IFT81: variants seen among roughly 807,000 people sequenced by gnomAD.
The protein encoded by IFT81 is intraflagellar transport protein 81 homolog.
A neutral mutation model predicts 102.6 loss-of-function variants in IFT81; 72 were observed. That is an observed-to-expected ratio of 0.70 (90% confidence interval 0.58 to 0.85). The LOEUF (loss-of-function observed/expected upper bound fraction) is 0.85. Among genes scored for constraint, IFT81 ranks in the 40% least tolerant of loss-of-function variants. The pLI is 0.00. For synonymous variants in IFT81, 237 were observed against 242.7 expected (o/e 0.98, Z 0.22); for missense variants, 723 against 787.3 (o/e 0.92, Z 0.98).
intron 4 of IFT81, among the ~76,000 whole-genome samples, chr12:110,131,616 A>C (rs562517654): frequency 4.0e-4 from 61 of 152,214 alleles, no homozygotes; most frequent in African/African-American, 1.5e-3. Flanking sequence ...CCAAAGTGCT[A>C]GGATTACAGG....
intron 10 of IFT81, among the ~76,000 whole-genome samples, chr12:110,157,398 A>G (rs1231198632): frequency 6.6e-6 from 1 of 152,134 alleles, no homozygotes; most frequent in Admixed American, 6.6e-5. Context: ...AAAAGGCCTT[A>G]GAAAAGAAAG....
chr12:110,202,303 A>G (rs1289379976), intron 14 of IFT81, among the ~76,000 whole-genome samples: 4 of 152,204 alleles, frequency 2.6e-5, no homozygotes, highest in African/African-American at 9.6e-5. Flanking sequence ...TAGCATTTCT[A>G]GGTGTTTGTA....
At position 110,218,113 on chromosome 12, in the gene IFT81, C is replaced by T; in HGVS notation, c.1918C>T (p.Arg640Cys). The change falls in exon 19 of 19, where the codon CGT becomes TGT. Residue 640 changes from arginine to cysteine, a missense_variant. By Grantham distance (180) the Arg-to-Cys change is radical. Transcript: ENST00000242591. ...AAATATGAAACAAGCAAAAATGTGG[C>T]GTGATTTGGAACAATTAATGGAATG... ...GPNMKQAKMW[R>C]DLEQLMECKK... 4.4e-6 allele frequency: 7 copies of T among 1,599,222 alleles called. No individual in the cohort carries two copies. The highest frequency in any genetic ancestry group is 4.5e-5 in the East Asian group (2 of 44,172).
chr12:110,199,827 G>A (rs755679250), intron 14 of IFT81, among the ~76,000 whole-genome samples: 4 of 152,152 alleles, frequency 2.6e-5, no homozygotes, highest in Admixed American at 6.5e-5. Flanking sequence ...TAAGGAAACC[G>A]TGCAGCAGGA....
At chr12:110,141,721 A>C (rs1212931836) in intron 8 of IFT81, among the ~76,000 whole-genome samples, 4 of 152,070 alleles carry the variant, frequency 2.6e-5, no homozygotes, top group Non-Finnish European at 5.9e-5. Flanking sequence ...GTCTCTACTA[A>C]AAATACAAAA....
chr12:110,158,880 G>A (rs1895989405), intron 10 of IFT81, among the ~76,000 whole-genome samples: 1 of 151,748 alleles, frequency 6.6e-6, no homozygotes. Flanking sequence ...GAGCCACCGC[G>A]CCCGGCCAAT....
chr12:110,201,162 G>A (rs1898245777), intron 14 of IFT81, among the ~76,000 whole-genome samples: 2 of 151,810 alleles, frequency 1.3e-5, no homozygotes, highest in Non-Finnish European at 2.9e-5. Context: ...CAGCACTTTG[G>A]GAGGCCAAGG....
chr12:110,186,501 TTTTA>T (rs1897536805), intron 12 of IFT81, among the ~76,000 whole-genome samples: 3 of 152,068 alleles, frequency 2.0e-5, no homozygotes, highest in Non-Finnish European at 4.4e-5. Context: ...TTCTTTCTTT[TTTTA>T]TTTGTTTGTT....
At chr12:110,136,700 A>AT in intron 7 of IFT81, 76 bp from the exon 8 acceptor site, 1 of 751,602 alleles carries the variant, frequency 1.3e-6, no homozygotes, top group African/African-American at 1.8e-5. Context: ...TGGAACTTGT[A>AT]TTTTTCATTG....
chr12:110,139,777 A>C (rs1387871782), intron 8 of IFT81, among the ~76,000 whole-genome samples: 1 of 150,490 alleles, frequency 6.6e-6, no homozygotes, highest in Non-Finnish European at 1.5e-5. Flanking sequence ...CCATCTCAAA[A>C]TAAACACATA....
Position 110,154,372 on chromosome 12 carries a change from T to C in IFT81, c.1041+7324T>C, listed in dbSNP as rs1593307871. The stretch of plus-strand genomic sequence containing the variant: ...TTGGCCGGGTGCGGTGACTCACGCC[T>C]GTAGTCCCAGCACTTTGGGAGGCTG... On this transcript the variant is annotated intron_variant, in intron 10 of 18. Transcript: ENST00000242591. Among the ~76,000 whole-genome samples the C allele has an allele frequency of 2.0e-5, 3 of 149,512 alleles. No homozygotes were observed. The East Asian group carries it at 5.9e-4, about 29-fold the overall frequency.
At chr12:110,182,173 G>A (rs1327112218) in intron 12 of IFT81, among the ~76,000 whole-genome samples, 1 of 152,106 alleles carries the variant, frequency 6.6e-6, no homozygotes, top group Non-Finnish European at 1.5e-5. Flanking sequence ...GTCTGAGTGG[G>A]GCACCAGCAA....
At chr12:110,177,545 A>G (rs1243676652) in intron 11 of IFT81, among the ~76,000 whole-genome samples, 1 of 152,114 alleles carries the variant, frequency 6.6e-6, no homozygotes, top group African/African-American at 2.4e-5. Flanking sequence ...CAGCCTCCCA[A>G]AGTGCTAGGA....
At position 110,167,936 on chromosome 12, in the gene IFT81, G is replaced by A. The variant is rs780665410; in HGVS notation, c.1188+4871G>A. The A allele has an allele frequency of 3.5e-5, 8 of 227,680 alleles. No homozygotes were observed. In the South Asian group the frequency reaches 3.8e-4, roughly 11 times the overall value. 14.1% of individuals were successfully genotyped at this position (227,680 alleles called of 1,614,324 possible). A position where few individuals can be genotyped will look rare whatever the true frequency, so the allele number is the denominator to read the frequency against. On this transcript the variant is annotated intron_variant, in intron 11 of 18. Transcript: ENST00000242591. ...GTGTGATCATGGCTTACTGCAGCCT[G>A]AAACTCCTAGGCTCAAGTGATCCTC...
chr12:110,212,446 G>A (rs1471308158), intron 18 of IFT81, among the ~76,000 whole-genome samples: 1 of 151,802 alleles, frequency 6.6e-6, no homozygotes, highest in Non-Finnish European at 1.5e-5. Context: ...TCGGGAGGCT[G>A]AGGCATGAGA....
intron 10 of IFT81, among the ~76,000 whole-genome samples, chr12:110,160,112 C>T (rs1421890767): frequency 6.6e-6 from 1 of 152,132 alleles, no homozygotes; most frequent in African/African-American, 2.4e-5. Flanking sequence ...TTATGCCTAC[C>T]TATTGTATTA....
chr12:110,216,173 GTTGTTTTGTT>G (rs745322792), intron 18 of IFT81, among the ~76,000 whole-genome samples: 33 of 151,728 alleles, frequency 2.2e-4, no homozygotes, highest in South Asian at 1.5e-3. Flanking sequence ...CCTTGGTTTG[GTTGTTTTGTT>G]TTGTTTTGTT....
intron 11 of IFT81, among the ~76,000 whole-genome samples, chr12:110,179,357 T>A (rs1566147927): frequency 2.0e-5 from 3 of 152,116 alleles, no homozygotes; most frequent in Non-Finnish European, 4.4e-5. Context: ...TTTATTTTTA[T>A]AAGGTTGTCT....
rs574639230 is a variant in IFT81 at position 110,129,314 on chromosome 12, C to G, written c.429+184C>G. On this transcript the variant is annotated intron_variant, in intron 4 of 18. Coordinates refer to ENST00000242591, the MANE Select transcript of IFT81 (RefSeq NM_014055.4). ...AGATAATGGCTTTTGCACACAAATACTGTTTTAGTGATAGGAGTATGTGAA... is the reference window on the plus strand; with the variant it reads ...AGATAATGGCTTTTGCACACAAATAGTGTTTTAGTGATAGGAGTATGTGAA... Among the ~76,000 whole-genome samples the G allele has an allele frequency of 4.6e-5, 7 of 150,982 alleles. No individual in the cohort carries two copies. In the East Asian group the frequency reaches 1.4e-3, roughly 29 times the overall value.
Sources: allele counts gnomAD v4.1 joint callset (sites outside exome capture counted in the v4.1 genomes callset), GRCh38; gene constraint gnomAD v4.1.1; transcripts MANE v1.5; gene names NCBI Gene and HGNC (gene_info 2026-07-23, HGNC 2026-07-21).